Variants in PROKR1 observed in about 807,000 individuals in gnomAD.
PROKR1 encodes G protein-coupled receptor 73.
PROKR1 carries 21 observed loss-of-function variants against 22.8 expected under a neutral mutation model. The observed-to-expected ratio is 0.92, with a 90% confidence interval of 0.65 to 1.32. The LOEUF is 1.32. Among genes scored for constraint, PROKR1 ranks in the 40% most tolerant of loss-of-function variants. The pLI is 0.00. For synonymous variants in PROKR1, 193 were observed against 207.5 expected (o/e 0.93, Z 0.60); for missense variants, 548 against 514.2 (o/e 1.07, Z -0.64).
chr2:68,648,919 C>T (rs925924095), intron 2 of PROKR1, among the ~76,000 whole-genome samples: 5 of 151,984 alleles, frequency 3.3e-5, no homozygotes, highest in East Asian at 1.9e-4. Context: ...AAAAAGAAAG[C>T]CTATTGTATT....
rs762282213 is a variant in PROKR1, at chr2:68,645,941, C to T, written c.120C>T (p.Ser40=). The part of the protein sequence containing the change: ...ATSFPFNFSY[S]DYDMPLDEDE... ...CCTTCCCATTCAACTTCAGCTACAG[C>T]GACTATGATATGCCTTTGGATGAAG... The change falls in exon 2 of 3, where the codon AGC becomes AGT. Residue 40 remains serine (S), a synonymous_variant. Coordinates refer to ENST00000303786, the MANE Select transcript of PROKR1 (RefSeq NM_138964.4). 8.7e-5 allele frequency: 141 copies of T among 1,614,084 alleles called. No individual in the cohort carries two copies. Among genetic ancestry groups the T allele is most frequent in the African/African-American group, 8.0e-5 (6 of 74,900 alleles).
Position 68,655,435 on chromosome 2 carries a change from C to T in PROKR1, c.1041C>T (p.Asn347=), listed in dbSNP as rs765939690. Residue 347 remains asparagine, a synonymous_variant, in exon 3 of 3, where the codon AAC becomes AAT. Transcript: ENST00000303786. The stretch of plus-strand genomic sequence containing the variant: ...CTCTGTGCTTCGTGACCGTCAAGAA[C>T]GACACCGTCAAGTACTTCAAAAAGA... The part of the protein sequence containing the change: ...INTLCFVTVK[N]DTVKYFKKIM... 5.0e-6 allele frequency: 8 copies of T among 1,614,058 alleles called. No individual in the cohort carries two copies. The Admixed American group carries it at 6.7e-5, about 13-fold the overall frequency.
Position 68,645,895 on chromosome 2 carries a change from C to T in PROKR1, c.74C>T (p.Pro25Leu). Reference protein sequence around the residue: ...TSTSFLSVLNPHGAHATSFPF... With the variant: ...TSTSFLSVLNLHGAHATSFPF... ...ACCAGCTTCCTTTCTGTGCTCAACC[C>T]TCATGGAGCCCATGCCACTTCCTTC... The change falls in exon 2 of 3, where the codon CCT (proline) becomes CTT (leucine). Residue 25 changes from proline (P) to leucine (L), a missense_variant. Coordinates refer to ENST00000303786, the MANE Select transcript of PROKR1 (RefSeq NM_138964.4). 1.9e-6 allele frequency: 3 copies of T among 1,614,190 alleles called. No individual in the cohort carries two copies. The highest frequency in any genetic ancestry group is 1.7e-6 in the Non-Finnish European group (2 of 1,180,032).
Position 68,657,363 on chromosome 2 carries a change from C to A in PROKR1, c.*1787C>A, listed in dbSNP as rs150507143. Reference sequence around the variant, plus strand: ...TTATTTTTCTTTGTGTAAATTATTCCTTTGTGCTTCATAACAGTGCTGTAT... The same window carrying A: ...TTATTTTTCTTTGTGTAAATTATTCATTTGTGCTTCATAACAGTGCTGTAT... On this transcript the variant is annotated 3_prime_UTR_variant, in exon 3 of 3. Transcript: ENST00000303786. 119 of 152,294 alleles carry A rather than the reference C, an allele frequency of 7.8e-4. No homozygotes were observed. The highest frequency in any genetic ancestry group is 2.7e-3 in the African/African-American group (114 of 41,538). 9.4% of individuals were successfully genotyped at this position (152,294 alleles called of 1,614,324 possible).
chr2:68,649,319 A>G (rs1673260118), intron 2 of PROKR1, among the ~76,000 whole-genome samples: 1 of 152,142 alleles, frequency 6.6e-6, no homozygotes, highest in Non-Finnish European at 1.5e-5. Context: ...AGGTCTTGGC[A>G]ATACCCGTTT....
In PROKR1 at chr2:68,646,384, G is replaced by A. The variant is rs1673180342; in HGVS notation, c.485+78G>A. 1.1e-5 allele frequency: 18 copies of A among 1,570,826 alleles called. No individual in the cohort carries two copies. In the South Asian group the frequency reaches 1.9e-4, roughly 16 times the overall value. On this transcript the variant is annotated intron_variant, in intron 2 of 2. Transcript: ENST00000303786. ...TGGAATTGCCCCCTCCTGTACTGCAGTTGCAGATTGATGAGAGGTGTCTCT... is the reference window on the plus strand; with the variant it reads ...TGGAATTGCCCCCTCCTGTACTGCAATTGCAGATTGATGAGAGGTGTCTCT...
At chr2:68,649,809 G>A (rs1673272498) in intron 2 of PROKR1, among the ~76,000 whole-genome samples, 1 of 152,004 alleles carries the variant, frequency 6.6e-6, no homozygotes, top group Non-Finnish European at 1.5e-5. Flanking sequence ...CAGACAAGGG[G>A]GATTGTAAGT....
chr2:68,646,279 A>G lies in PROKR1; in HGVS notation c.458A>G (p.Asn153Ser), dbSNP rs374948927. ...LRTVSLYVST[N>S]ALLAIAIDRY... ...ACTGTCTCTCTCTATGTCTCCACCA[A>G]TGCCCTGCTGGCCATCGCCATTGAC... The change falls in exon 2 of 3, where the codon AAT becomes AGT. Residue 153 changes from asparagine to serine, a missense_variant. Physicochemically the swap from Asn to Ser is conservative, Grantham distance 46. Coordinates refer to ENST00000303786, the MANE Select transcript of PROKR1 (RefSeq NM_138964.4). The G allele has an allele frequency of 1.9e-6, 3 of 1,614,094 alleles. No individual in the cohort carries two copies. Among genetic ancestry groups the G allele is most frequent in the East Asian group, 4.5e-5 (2 of 44,892 alleles).
chr2:68,646,411 T>A, intron 2 of PROKR1, 105 bp downstream of exon 2: 12 of 1,506,276 alleles, frequency 8.0e-6, no homozygotes, highest in Middle Eastern at 1.8e-4. Flanking sequence ...GGTGTCTCTA[T>A]TCCCCCTAGA....
At chr2:68,653,162 G>A (rs1424085272) in intron 2 of PROKR1, among the ~76,000 whole-genome samples, 1 of 152,178 alleles carries the variant, frequency 6.6e-6, no homozygotes, top group African/African-American at 2.4e-5. Flanking sequence ...TTAATGAAGG[G>A]CCCACACTCG....
At chr2:68,644,277 C>A (rs1212433835) in intron 1 of PROKR1, among the ~76,000 whole-genome samples, 2 of 152,144 alleles carry the variant, frequency 1.3e-5, no homozygotes, top group Non-Finnish European at 2.9e-5. Flanking sequence ...GTAGGGGTAC[C>A]CCTCCAGGAG....
intron 1 of PROKR1, 111 bp downstream of exon 1, chr2:68,643,959 ACT>A (rs1673120857): frequency 5.3e-5 from 8 of 152,098 alleles, no homozygotes; most frequent in Admixed American, 4.6e-4. Flanking sequence ...CCAGGGATTC[ACT>A]CCTGTGAGTT....
chr2:68,657,090 G>C lies in PROKR1; in HGVS notation c.*1514G>C, dbSNP rs372371753. 6.6e-6 allele frequency: 1 copy of C among 152,216 alleles called. No individual in the cohort carries two copies. The highest frequency in any genetic ancestry group is 1.5e-5 in the Non-Finnish European group (1 of 68,054). The allele number at this position is 152,216 out of a possible 1,614,324, so 9.4% of individuals were successfully genotyped here. On this transcript the variant is annotated 3_prime_UTR_variant, in exon 3 of 3. Coordinates refer to ENST00000303786, the MANE Select transcript of PROKR1 (RefSeq NM_138964.4). ...AGAGCCAGACTTGACTCTGTCAACTGTGTAGCCCTGGGCAAAGCCTCTCCG... is the reference window on the plus strand; with the variant it reads ...AGAGCCAGACTTGACTCTGTCAACTCTGTAGCCCTGGGCAAAGCCTCTCCG...
chr2:68,655,090 C>T lies in PROKR1; in HGVS notation c.696C>T (p.Tyr232=). ...PVDQQLYYKS[Y]FLFIFGIEFV... ...ACCAGCAGCTCTACTACAAGTCCTA[C>T]TTCCTCTTTATCTTTGGCATAGAAT... Residue 232 remains tyrosine (Y), a synonymous_variant, in exon 3 of 3, where the codon TAC becomes TAT. Transcript: ENST00000303786. 2 of 1,614,166 alleles carry T rather than the reference C, an allele frequency of 1.2e-6. No individual in the cohort carries two copies. Among genetic ancestry groups the T allele is most frequent in the Non-Finnish European group, 1.7e-6 (2 of 1,180,030 alleles).
intron 2 of PROKR1, among the ~76,000 whole-genome samples, chr2:68,654,279 T>C (rs1296055857): frequency 6.6e-6 from 1 of 152,216 alleles, no homozygotes; most frequent in Non-Finnish European, 1.5e-5. Flanking sequence ...GGAGGAATTA[T>C]TATATTTAAT....
chr2:68,646,100 G>A lies in PROKR1; in HGVS notation c.279G>A (p.Leu93=), dbSNP rs747106746. The A allele has an allele frequency of 5.3e-5, 85 of 1,613,744 alleles. No homozygotes were observed. The East Asian group carries it at 1.6e-3, about 31-fold the overall frequency. The stretch of plus-strand genomic sequence containing the variant: ...CTGCCCTGGTCCGCTACAAGAAACT[G>A]CGCAACCTCACCAACCTGCTCATCG... The part of the protein sequence containing the change: ...FIAALVRYKK[L]RNLTNLLIAN... The change falls in exon 2 of 3, where the codon CTG becomes CTA. Residue 93 remains leucine (L), a synonymous_variant. Coordinates refer to ENST00000303786, the MANE Select transcript of PROKR1 (RefSeq NM_138964.4).
At chr2:68,648,023 C>T (rs773875799) in intron 2 of PROKR1, among the ~76,000 whole-genome samples, 24 of 152,068 alleles carry the variant, frequency 1.6e-4, no homozygotes, top group Non-Finnish European at 2.5e-4. Flanking sequence ...AAGTAGAAGC[C>T]GCCACCTTCT....
chr2:68,655,002 A>G lies in PROKR1; in HGVS notation c.608A>G (p.Glu203Gly). Residue 203 changes from glutamate (E) to glycine (G), a missense_variant, in exon 3 of 3, where the codon GAG becomes GGG. By Grantham distance (98) the Glu-to-Gly change is moderately conservative (BLOSUM62 -2). Transcript: ENST00000303786. ...ATCCCTTCCGCCTACTTCACCACCG[A>G]GACGGTCCTCGTCATTGTCAAGAGC... is the stretch of plus-strand genomic sequence containing the variant. The part of the protein sequence containing the change: ...IAIPSAYFTT[E>G]TVLVIVKSQE... 1 of 1,613,564 alleles carries G rather than the reference A, an allele frequency of 6.2e-7. No individual in the cohort carries two copies. The highest frequency in any genetic ancestry group is 8.5e-7 in the Non-Finnish European group (1 of 1,179,990).
rs937278782 is a variant in PROKR1 at position 68,657,422 on chromosome 2, A to G, written c.*1846A>G. On this transcript the variant is annotated 3_prime_UTR_variant, in exon 3 of 3. Coordinates refer to ENST00000303786, the MANE Select transcript of PROKR1 (RefSeq NM_138964.4). Reference sequence around the variant, plus strand: ...TGCCTAATGACATGGTTGTGCAAACAAGGTCATGAGATTTGCTGGTAGACG... The same window carrying G: ...TGCCTAATGACATGGTTGTGCAAACGAGGTCATGAGATTTGCTGGTAGACG... 1 of 152,226 alleles carries G rather than the reference A, an allele frequency of 6.6e-6. No individual in the cohort carries two copies. The highest frequency in any genetic ancestry group is 2.4e-5 in the African/African-American group (1 of 41,448). The allele number at this position is 152,226 out of a possible 1,614,324, so 9.4% of individuals were successfully genotyped here.
Sources: allele counts gnomAD v4.1 joint callset (sites outside exome capture counted in the v4.1 genomes callset), GRCh38; gene constraint gnomAD v4.1.1; transcripts MANE v1.5; gene names NCBI Gene and HGNC (gene_info 2026-07-23, HGNC 2026-07-21).